Variants in MITF observed in about 807,000 individuals in gnomAD.
MITF encodes microphthalmia-associated transcription factor.
In MITF, 17 loss-of-function variants were observed where a neutral mutation model predicts 60.5. The ratio of observed to expected loss-of-function variants is 0.28; its 90% CI spans 0.19 to 0.42. The LOEUF (loss-of-function observed/expected upper bound fraction) is 0.42, where lower values mean the gene tolerates loss of function less well. Ranked by LOEUF, MITF falls within the 10% of genes least tolerant of loss-of-function variation. MITF has a pLI of 1.00. For synonymous variants in MITF, 260 were observed against 248.5 expected (o/e 1.05, Z -0.43); for missense variants, 622 against 683.5 (o/e 0.91, Z 1.00).
At chr3:69,829,595 A>G (rs909178344) in intron 1 of MITF, among the ~76,000 whole-genome samples, 2 of 152,214 alleles carry the variant, frequency 1.3e-5, no homozygotes, top group Non-Finnish European at 2.9e-5. Context: ...GTAAAAAAAC[A>G]GTTCTTGATT....
chr3:69,920,328 G>A (rs1043914022), intron 2 of MITF, among the ~76,000 whole-genome samples: 1 of 152,092 alleles, frequency 6.6e-6, no homozygotes, highest in Non-Finnish European at 1.5e-5. Context: ...TTCCCCGGGG[G>A]AGTTTAGAGA....
chr3:69,963,965 C>CTTTTCTT (rs2066615474), intron 9 of MITF, among the ~76,000 whole-genome samples: 1 of 115,234 alleles, frequency 8.7e-6, no homozygotes, highest in Non-Finnish European at 1.8e-5. Context: ...TTTCTTTTTT[C>CTTTTCTT]TTTTCTTTTT....
intron 1 of MITF, among the ~76,000 whole-genome samples, chr3:69,846,800 G>A (rs899957773): frequency 3.9e-5 from 5 of 128,094 alleles, no homozygotes; most frequent in African/African-American, 1.2e-4. Flanking sequence ...CTGGGCAACA[G>A]AGTGAGACTC....
At chr3:69,822,758 C>CAGCA (rs1295339894) in intron 1 of MITF, among the ~76,000 whole-genome samples, 5 of 152,178 alleles carry the variant, frequency 3.3e-5, no homozygotes, top group Non-Finnish European at 7.3e-5. Context: ...ACACCAAATA[C>CAGCA]TTGCTTGCTT....
chr3:69,865,836 G>A (rs538778510), intron 1 of MITF, among the ~76,000 whole-genome samples: 161 of 152,204 alleles, frequency 1.1e-3, no homozygotes, highest in African/African-American at 3.6e-3. Context: ...AACTGAGAGG[G>A]GACACAAGCA....
chr3:69,859,225 AC>A (rs1348599132), intron 1 of MITF, among the ~76,000 whole-genome samples: 1 of 152,122 alleles, frequency 6.6e-6, no homozygotes, highest in African/African-American at 2.4e-5. Flanking sequence ...TTTGCTTCCC[AC>A]AGGTTGAAAC....
rs139798158 is a variant in MITF, at chr3:69,949,928, A to G, written c.880+760A>G. 2.0e-4 allele frequency among the ~76,000 whole-genome samples: 30 copies of G among 152,312 alleles called. No homozygotes were observed. The East Asian group carries it at 2.9e-3, about 15-fold the overall frequency. On this transcript the variant is annotated intron_variant, in intron 6 of 9. Transcript: ENST00000352241. ...TGGATGAACAGACTGAGAATATGGAATATGGATTTGGTACAGAGAATTCCT... is the reference window on the plus strand; with the variant it reads ...TGGATGAACAGACTGAGAATATGGAGTATGGATTTGGTACAGAGAATTCCT...
intron 1 of MITF, among the ~76,000 whole-genome samples, chr3:69,852,348 A>G (rs1228311073): frequency 6.6e-6 from 1 of 152,198 alleles, no homozygotes; most frequent in Non-Finnish European, 1.5e-5. Flanking sequence ...TCTAAGTATA[A>G]TCACTATCCT....
chr3:69,803,818 C>T (rs2062960735), intron 1 of MITF, among the ~76,000 whole-genome samples: 2 of 150,538 alleles, frequency 1.3e-5, no homozygotes, highest in South Asian at 2.1e-4. Context: ...TCTAATAACT[C>T]ATGTTTTTTT....
intron 1 of MITF, chr3:69,838,663 A>T (rs1401545625): frequency 6.6e-6 from 1 of 152,632 alleles, no homozygotes; most frequent in Non-Finnish European, 1.5e-5. Context: ...CTGGTTTTAA[A>T]ATATAAAGTG....
intron 2 of MITF, among the ~76,000 whole-genome samples, chr3:69,927,311 T>A (rs1331154505): frequency 6.6e-6 from 1 of 151,708 alleles, no homozygotes; most frequent in East Asian, 1.9e-4. Context: ...TACGTGGGAG[T>A]TGAACAATGA....
intron 1 of MITF, among the ~76,000 whole-genome samples, chr3:69,855,976 C>T (rs1000926777): frequency 6.6e-6 from 1 of 152,134 alleles, no homozygotes; most frequent in Non-Finnish European, 1.5e-5. Context: ...GCCAGCTTCC[C>T]ACTTTTTCTG....
chr3:69,883,342 CA>C (rs1288163667), intron 2 of MITF, among the ~76,000 whole-genome samples: 6 of 152,106 alleles, frequency 3.9e-5, no homozygotes, highest in Admixed American at 2.0e-4. Flanking sequence ...GTTATCTCGT[CA>C]AAGTTGCCTC....
chr3:69,849,884 G>T (rs1190537282), intron 1 of MITF, among the ~76,000 whole-genome samples: 1 of 152,072 alleles, frequency 6.6e-6, no homozygotes, highest in Non-Finnish European at 1.5e-5. Flanking sequence ...TTACTCTGGG[G>T]TCTCTCCTTC....
intron 2 of MITF, among the ~76,000 whole-genome samples, chr3:69,887,270 C>T (rs1194891840): frequency 6.6e-6 from 1 of 152,114 alleles, no homozygotes; most frequent in Non-Finnish European, 1.5e-5. Flanking sequence ...ATTTGAAAGA[C>T]TCTTCAGTTA....
In MITF at chr3:69,967,356, T is replaced by C. The variant is rs1352526553; in HGVS notation, c.*2108T>C. ...ACAGCTAATTGTACCATAGTGTTCA[T>C]TGATACAATCATAGCATTGTCTATT... is the stretch of plus-strand genomic sequence containing the variant. On this transcript the variant is annotated 3_prime_UTR_variant, in exon 10 of 10. Transcript: ENST00000352241. 8.6e-6 allele frequency: 2 copies of C among 232,794 alleles called. No individual in the cohort carries two copies. The highest frequency in any genetic ancestry group is 5.6e-5 in the Admixed American group (1 of 17,752). 14.4% of individuals were successfully genotyped at this position (232,794 alleles called of 1,614,324 possible). A position where few individuals can be genotyped will look rare whatever the true frequency, so the allele number is the denominator to read the frequency against.
At chr3:69,938,388 G>T in intron 3 of MITF, 1 of 1,562,800 alleles carries the variant, frequency 6.4e-7, no homozygotes, top group Non-Finnish European at 8.7e-7. Context: ...GAGGAGAAGG[G>T]GAGGTGGAAA....
At chr3:69,849,821 A>G (rs903715925) in intron 1 of MITF, among the ~76,000 whole-genome samples, 2 of 152,186 alleles carry the variant, frequency 1.3e-5, no homozygotes, top group Non-Finnish European at 1.5e-5. Flanking sequence ...TTGAAGGTCC[A>G]TCATCCCTGT....
intron 1 of MITF, among the ~76,000 whole-genome samples, chr3:69,780,208 C>A (rs1489922371): frequency 6.6e-6 from 1 of 152,144 alleles, no homozygotes; most frequent in African/African-American, 2.4e-5. Context: ...CTGGACGAGA[C>A]AGTGAGTTCT....
Sources: gnomAD v4.1 joint callset for allele counts (sites outside exome capture counted in the v4.1 genomes callset) on GRCh38, gnomAD v4.1.1 for gene constraint, MANE v1.5 for transcripts, NCBI Gene and HGNC (gene_info 2026-07-23, HGNC 2026-07-21) for gene names.